Variants in SLC30A8 observed in about 807,000 individuals in gnomAD.
The protein encoded by SLC30A8 is solute carrier family 30 member 8.
SLC30A8 carries 27 observed loss-of-function variants against 36.9 expected under a neutral mutation model. The ratio of observed to expected loss-of-function variants is 0.73; its 90% confidence interval spans 0.54 to 1.01. The LOEUF (loss-of-function observed/expected upper bound fraction) is 1.01. Ranked by LOEUF, SLC30A8 falls within the 50% of genes least tolerant of loss-of-function variation. The pLI, the probability that SLC30A8 is intolerant of heterozygous loss-of-function variation, is 0.00. For synonymous variants in SLC30A8, 164 were observed against 172.4 expected (o/e 0.95, Z 0.38); for missense variants, 439 against 452.0 (o/e 0.97, Z 0.26).
intron 1 of SLC30A8, among the ~76,000 whole-genome samples, chr8:116,965,385 A>T (rs1586334776): frequency 6.6e-6 from 1 of 152,270 alleles, no homozygotes; most frequent in Non-Finnish European, 1.5e-5. Flanking sequence ...AAACAAAATA[A>T]GAGGGAAATG....
chr8:117,003,004 TA>T (rs1389704532), intron 1 of SLC30A8, among the ~76,000 whole-genome samples: 3 of 152,208 alleles, frequency 2.0e-5, no homozygotes, highest in Non-Finnish European at 4.4e-5. Context: ...ATACAGTAGA[TA>T]ATAGTCAGAA....
chr8:117,075,199 C>G (rs192553803), intron 2 of SLC30A8, among the ~76,000 whole-genome samples: 5 of 151,714 alleles, frequency 3.3e-5, no homozygotes, highest in Admixed American at 6.6e-5. Context: ...AGTAAACAAG[C>G]TTGCAGTAAC....
intron 1 of SLC30A8, among the ~76,000 whole-genome samples, chr8:116,983,848 A>T (rs1022464736): frequency 6.6e-6 from 1 of 152,134 alleles, no homozygotes; most frequent in Non-Finnish European, 1.5e-5. Flanking sequence ...CCAATTTTAC[A>T]TGCGCTCATT....
chr8:117,049,356 G>A (rs1307549261), intron 2 of SLC30A8, among the ~76,000 whole-genome samples: 1 of 152,156 alleles, frequency 6.6e-6, no homozygotes, highest in Admixed American at 6.5e-5. Flanking sequence ...AACACATGAA[G>A]AGATTATTTA....
At position 116,959,825 on chromosome 8, in the gene SLC30A8, G is replaced by A. The variant is rs35901454; in HGVS notation, c.-266+8706G>A. On this transcript the variant is annotated intron_variant, in intron 1 of 10. Coordinates refer to the SLC30A8 transcript ENST00000427715. ...GGGTTTCCTTTAGCCCTTTCAGATC[G>A]TTCTTTCTGTGCACATGGGCAATTT... Among the ~76,000 whole-genome samples, 1,441 of 152,262 alleles carry A rather than the reference G, an allele frequency of 9.5e-3. 8 individuals carry two copies. Among genetic ancestry groups the A allele is most frequent in the Middle Eastern group, 0.024 (7 of 294 alleles).
At chr8:117,139,157 C>T (rs185550023) in intron 1 of SLC30A8, among the ~76,000 whole-genome samples, 3 of 152,028 alleles carry the variant, frequency 2.0e-5, no homozygotes, top group Non-Finnish European at 4.4e-5. Flanking sequence ...CAAATATTAC[C>T]CCTATAAAGA....
intron 2 of SLC30A8, among the ~76,000 whole-genome samples, chr8:117,128,263 G>A (rs537920130): frequency 6.6e-5 from 10 of 152,154 alleles, no homozygotes; most frequent in South Asian, 6.2e-4. Flanking sequence ...ATGGCACAGC[G>A]GCCACAAACA....
At chr8:116,972,588 AATT>A (rs1814829387) in intron 1 of SLC30A8, among the ~76,000 whole-genome samples, 2 of 152,190 alleles carry the variant, frequency 1.3e-5, no homozygotes. Context: ...TTTGAGTTTT[AATT>A]ATTATACTGG....
chr8:117,123,757 TAATG>T (rs1278531519), intron 2 of SLC30A8, among the ~76,000 whole-genome samples: 1 of 152,050 alleles, frequency 6.6e-6, no homozygotes. Context: ...ATGTCATTCT[TAATG>T]TACTTCACAT....
chr8:117,097,204 C>T (rs186754273), intron 2 of SLC30A8, among the ~76,000 whole-genome samples: 2,099 of 150,778 alleles, frequency 0.014, 16 homozygotes, highest in Non-Finnish European at 0.02. Flanking sequence ...TCGAGACCAT[C>T]CTGGCTAACA....
chr8:117,039,170 T>C (rs1221941743), intron 1 of SLC30A8: 3 of 152,208 alleles, frequency 2.0e-5, no homozygotes, highest in African/African-American at 7.2e-5. Context: ...GGGAATAAGA[T>C]GTATTTTCCA....
intron 2 of SLC30A8, among the ~76,000 whole-genome samples, chr8:117,088,508 T>C (rs145093778): frequency 6.6e-6 from 1 of 152,190 alleles, no homozygotes; most frequent in African/African-American, 2.4e-5. Context: ...TCACTGCCTC[T>C]CAAGTTCCGA....
intron 1 of SLC30A8, among the ~76,000 whole-genome samples, chr8:116,964,384 A>G (rs762494723): frequency 6.6e-6 from 1 of 152,250 alleles, no homozygotes; most frequent in African/African-American, 2.4e-5. Context: ...CCACGTTTTA[A>G]CAGACTTCCA....
intron 6 of SLC30A8, among the ~76,000 whole-genome samples, chr8:117,165,365 A>T (rs960707932): frequency 7.9e-5 from 12 of 152,210 alleles, no homozygotes; most frequent in African/African-American, 2.7e-4. Flanking sequence ...CATTGTGGAG[A>T]TAAACACTGT....
chr8:117,168,010 G>GGAGAACTCCC (rs1287058854), intron 6 of SLC30A8, among the ~76,000 whole-genome samples: 1 of 152,040 alleles, frequency 6.6e-6, no homozygotes, highest in Non-Finnish European at 1.5e-5. Flanking sequence ...AGCTTTTTCA[G>GGAGAACTCCC]GAGAACTCCC....
intron 2 of SLC30A8, among the ~76,000 whole-genome samples, chr8:117,096,530 A>G (rs1586504525): frequency 6.6e-6 from 1 of 151,986 alleles, no homozygotes; most frequent in African/African-American, 2.4e-5. Flanking sequence ...TGGGTCAAGG[A>G]AATCTCCTAT....
chr8:117,063,012 G>A (rs1818067619), intron 2 of SLC30A8, among the ~76,000 whole-genome samples: 1 of 152,154 alleles, frequency 6.6e-6, no homozygotes, highest in Admixed American at 6.5e-5. Flanking sequence ...GGCAACAGCT[G>A]CTGATGACAT....
intron 1 of SLC30A8, among the ~76,000 whole-genome samples, chr8:117,037,182 A>C (rs756886775): frequency 9.9e-5 from 15 of 152,134 alleles, no homozygotes; most frequent in Non-Finnish European, 1.8e-4. Flanking sequence ...CATTTTACTA[A>C]TGTGCTGTGG....
At chr8:117,094,078 C>A (rs1819253769) in intron 2 of SLC30A8, among the ~76,000 whole-genome samples, 1 of 152,238 alleles carries the variant, frequency 6.6e-6, no homozygotes, top group African/African-American at 2.4e-5. Flanking sequence ...AACTGCAGAG[C>A]CCCAAAGAGG....
Sources: gnomAD v4.1 joint callset for allele counts (sites outside exome capture counted in the v4.1 genomes callset) on GRCh38, gnomAD v4.1.1 for gene constraint, MANE v1.5 for transcripts, NCBI Gene and HGNC (gene_info 2026-07-23, HGNC 2026-07-21) for gene names.